Variants in DNAH6 observed in about 807,000 individuals in gnomAD.
DNAH6 encodes the protein dynein axonemal heavy chain 6, also known as axonemal beta dynein heavy chain 6.
In DNAH6, 340 loss-of-function variants were observed where a neutral mutation model predicts 491.4. That is an observed-to-expected ratio of 0.69 (90% CI 0.63 to 0.76). The LOEUF (loss-of-function observed/expected upper bound fraction) is 0.76. DNAH6 is among the 30% of genes least tolerant of loss of function. The probability of loss-of-function intolerance (pLI) is 0.00; values close to 1 mark genes in which losing one functional copy is unlikely to be tolerated. For synonymous variants in DNAH6, 1,603 were observed against 1,686.1 expected (o/e 0.95, Z 1.21); for missense variants, 4,443 against 4,972.2 (o/e 0.89, Z 3.20).
At chr2:84,687,637 G>GA (rs566049491) in intron 44 of DNAH6, among the ~76,000 whole-genome samples, 6 of 151,778 alleles carry the variant, frequency 4.0e-5, no homozygotes, top group Admixed American at 6.6e-5. Flanking sequence ...AATACACACA[G>GA]AAAAAAAACA....
intron 4 of DNAH6, among the ~76,000 whole-genome samples, chr2:84,529,551 A>C (rs1385022853): frequency 9.6e-5 from 1 of 10,388 alleles, no homozygotes; most frequent in East Asian, 0.036. Flanking sequence ...AGTAGAAATA[A>C]GGATTTTTTT....
rs554759139 is a variant in DNAH6 at position 84,528,965 on chromosome 2, T to A, written c.461T>A (p.Ile154Asn). The A allele has an allele frequency of 6.4e-7, 1 of 1,551,050 alleles. No homozygotes were observed. Among genetic ancestry groups the A allele is most frequent in the East Asian group, 2.4e-5 (1 of 40,884 alleles). The change falls in exon 4 of 77, where the codon ATT becomes AAT. Residue 154 changes from isoleucine (I) to asparagine (N), a missense_variant. Ile to Asn is a moderately radical substitution (Grantham distance 149). Around this residue, in one of 3 missense-constraint regions of DNAH6, gnomAD observed 2,977 missense variants for 3,296.6 expected, o/e 0.90. Coordinates refer to ENST00000389394, the MANE Select transcript of DNAH6 (RefSeq NM_001370.2). The part of the protein sequence containing the change: ...PSPPKLPHTG[I>N]GKRGLFGTRS... The stretch of plus-strand genomic sequence containing the variant: ...CCTCCTAAACTGCCACATACTGGTA[T>A]TGGAAAAAGAGGTCTCTTTGGGACT...
At chr2:84,677,487 C>A (rs1176587264) in intron 41 of DNAH6, among the ~76,000 whole-genome samples, 1 of 152,196 alleles carries the variant, frequency 6.6e-6, no homozygotes, top group Admixed American at 6.5e-5. Flanking sequence ...CATCTTATCC[C>A]TAACCACCAG....
At chr2:84,595,510 G>A (rs1254890455) in intron 17 of DNAH6, 136 bp from the exon 18 acceptor site, 4 of 743,774 alleles carry the variant, frequency 5.4e-6, no homozygotes, top group Non-Finnish European at 8.3e-6. Flanking sequence ...AATGTTATTA[G>A]CAATTTAATA....
At chr2:84,736,345 A>G (rs948447659) in intron 62 of DNAH6, among the ~76,000 whole-genome samples, 1 of 152,120 alleles carries the variant, frequency 6.6e-6, no homozygotes. Flanking sequence ...TTTGTTTCCT[A>G]TGAATTTTAG....
At chr2:84,685,220 C>A in intron 42 of DNAH6, 106 bp from the exon 43 acceptor site, 1 of 770,472 alleles carries the variant, frequency 1.3e-6, no homozygotes, top group Non-Finnish European at 1.9e-6. Context: ...TCATTTTTGG[C>A]AATATGAGGG....
At chr2:84,582,578 A>G (rs1317727522) in intron 14 of DNAH6, among the ~76,000 whole-genome samples, 2 of 152,156 alleles carry the variant, frequency 1.3e-5, no homozygotes, top group Non-Finnish European at 2.9e-5. Flanking sequence ...CAGCCTCCTG[A>G]GTAGCTGGGA....
chr2:84,591,342 A>T (rs559177392), intron 16 of DNAH6, among the ~76,000 whole-genome samples: 1 of 152,244 alleles, frequency 6.6e-6, no homozygotes, highest in Non-Finnish European at 1.5e-5. Flanking sequence ...ACAATTTACA[A>T]TAGCATAAAA....
At chr2:84,682,232 GCA>G (rs1410412547) in intron 42 of DNAH6, among the ~76,000 whole-genome samples, 1 of 152,166 alleles carries the variant, frequency 6.6e-6, no homozygotes, top group Admixed American at 6.5e-5. Context: ...GCTCTCAGCG[GCA>G]CCTTAACTTA....
chr2:84,593,977 A>C lies in DNAH6; in HGVS notation c.2616A>C (p.Glu872Asp). 6.5e-7 allele frequency: 1 copy of C among 1,540,586 alleles called. No homozygotes were observed. Among genetic ancestry groups the C allele is most frequent in the Non-Finnish European group, 8.8e-7 (1 of 1,139,202 alleles). The change falls in exon 17 of 77, where the codon GAA becomes GAC. Residue 872 changes from glutamate to aspartate, a missense_variant. Physicochemically the swap from Glu to Asp is conservative, Grantham distance 45. Around this residue, in one of 3 missense-constraint regions of DNAH6, gnomAD observed 2,977 missense variants for 3,296.6 expected, o/e 0.90. Coordinates refer to ENST00000389394, the MANE Select transcript of DNAH6 (RefSeq NM_001370.2). ...YKSYQKNFKVEVSKFEALEEV... is the reference protein window; with the variant it reads ...YKSYQKNFKVDVSKFEALEEV... ...TGTTTACTACATTTTTAAAGGTAGAAGTGTCCAAGTTTGAAGCTTTGGAAG... is the reference window on the plus strand; with the variant it reads ...TGTTTACTACATTTTTAAAGGTAGACGTGTCCAAGTTTGAAGCTTTGGAAG...
intron 33 of DNAH6, among the ~76,000 whole-genome samples, chr2:84,643,850 A>G (rs1689642353): frequency 6.6e-6 from 1 of 151,742 alleles, no homozygotes; most frequent in African/African-American, 2.4e-5. Flanking sequence ...TAATTTCAGC[A>G]TCCCTCCCAT....
intron 63 of DNAH6, among the ~76,000 whole-genome samples, chr2:84,761,063 G>A (rs1175038054): frequency 2.0e-5 from 3 of 152,084 alleles, no homozygotes; most frequent in African/African-American, 4.8e-5. Flanking sequence ...ACATGGAATC[G>A]ACCTACATGT....
chr2:84,604,048 C>T (rs543487761), intron 18 of DNAH6, among the ~76,000 whole-genome samples: 1 of 152,150 alleles, frequency 6.6e-6, no homozygotes, highest in South Asian at 2.1e-4. Flanking sequence ...GTATGTCATC[C>T]CAAGGAATCT....
chr2:84,737,972 G>A (rs560350404), intron 62 of DNAH6, among the ~76,000 whole-genome samples: 5 of 151,880 alleles, frequency 3.3e-5, no homozygotes, highest in South Asian at 2.1e-4. Flanking sequence ...CTAACTTCTC[G>A]ATGTAGTTTT....
At chr2:84,467,766 A>C in the DNAH6 span, among the ~76,000 whole-genome samples, 1 of 152,232 alleles carries the variant, frequency 6.6e-6, no homozygotes, top group Non-Finnish European at 1.5e-5. Flanking sequence ...ATCCTTTCTT[A>C]TATAAAATCT....
intron 33 of DNAH6, among the ~76,000 whole-genome samples, chr2:84,645,757 C>CA (rs1348189196): frequency 3.3e-5 from 5 of 152,142 alleles, no homozygotes; most frequent in African/African-American, 1.2e-4. Flanking sequence ...GTAAAACTCA[C>CA]AAAAGATGTG....
At chr2:84,467,167 GT>G in the DNAH6 span, among the ~76,000 whole-genome samples, 1 of 152,238 alleles carries the variant, frequency 6.6e-6, no homozygotes, top group East Asian at 1.9e-4. Flanking sequence ...TACAATTAAT[GT>G]TTCACAAAAC....
chr2:84,713,038 T>C, intron 56 of DNAH6, 57 bp from the exon 57 acceptor site: 2 of 1,459,288 alleles, frequency 1.4e-6, no homozygotes, highest in Non-Finnish European at 9.2e-7. Context: ...GTGAAGTTCA[T>C]GCTATCCATT....
In DNAH6 at chr2:84,722,651, G is replaced by T. The variant is rs1049243969; in HGVS notation, c.9819G>T (p.Arg3273Ser). Residue 3273 changes from arginine to serine, a missense_variant, in exon 60 of 77, where the codon AGG becomes AGT. Physicochemically the swap from Arg to Ser is moderately radical, Grantham distance 110. This residue lies in a region of DNAH6 where 1,463 missense variants were observed against 1,656.6 expected (regional missense o/e 0.88). Coordinates refer to ENST00000389394, the MANE Select transcript of DNAH6 (RefSeq NM_001370.2). Reference sequence around the variant, plus strand: ...TCACTTCTGGTGCCATTAAAACCAGGCTGGAAGAAGCAGAGTCCACTGAGC... The same window carrying T: ...TCACTTCTGGTGCCATTAAAACCAGTCTGGAAGAAGCAGAGTCCACTGAGC... ...SKITSGAIKT[R>S]LEEAESTEQM... The T allele has an allele frequency of 5.8e-6, 9 of 1,549,770 alleles. No homozygotes were observed. The highest frequency in any genetic ancestry group is 1.7e-4 in the Middle Eastern group (1 of 5,988).
Sources: allele counts gnomAD v4.1 joint callset (sites outside exome capture counted in the v4.1 genomes callset), GRCh38; gene constraint gnomAD v4.1.1; regional missense constraint gnomAD v4.1.1; transcripts MANE v1.5; gene names NCBI Gene and HGNC (gene_info 2026-07-23, HGNC 2026-07-21).